Variants in RTTN observed in about 807,000 individuals in gnomAD.
The protein encoded by RTTN is rotatin.
A neutral mutation model predicts 269.2 loss-of-function variants in RTTN; 182 were observed. That is an observed-to-expected ratio of 0.68 (90% CI 0.60 to 0.76). RTTN has a LOEUF of 0.76. Ranked by LOEUF, RTTN falls within the 30% of genes least tolerant of loss-of-function variation. RTTN has a pLI of 0.00. For missense variants in RTTN, 2,545 were observed against 2,608.6 expected, an observed-to-expected ratio of 0.98 and a Z score of 0.53; for synonymous variants, 1,006 against 963.5, an observed-to-expected ratio of 1.04 and a Z score of -0.82.
At chr18:70,073,807 G>T in intron 34 of RTTN, 99 bp downstream of exon 34, 1 of 820,358 alleles carries the variant, frequency 1.2e-6, no homozygotes, top group Non-Finnish European at 2.0e-6. Flanking sequence ...AATCATAGCT[G>T]TTATAACCTT....
chr18:70,172,997 G>C (rs2061183442), intron 11 of RTTN, among the ~76,000 whole-genome samples: 1 of 152,092 alleles, frequency 6.6e-6, no homozygotes, highest in Non-Finnish European at 1.5e-5. Flanking sequence ...TTCCATTCTT[G>C]ATGCTTATGC....
intron 40 of RTTN, among the ~76,000 whole-genome samples, chr18:70,035,730 G>A (rs533838722): frequency 3.3e-5 from 5 of 152,260 alleles, no homozygotes; most frequent in East Asian, 3.9e-4. Context: ...AAACTAAAGC[G>A]TGTCTGCACA....
At position 70,109,727 on chromosome 18, in the gene RTTN, C is replaced by G. The variant is rs1326276476; in HGVS notation, c.3684-10G>C. 1.2e-6 allele frequency: 2 copies of G among 1,609,868 alleles called. No individual in the cohort carries two copies. The highest frequency in any genetic ancestry group is 1.7e-6 in the Non-Finnish European group (2 of 1,176,998). On this transcript the variant is annotated splice_polypyrimidine_tract_variant and intron_variant, in intron 27 of 48. Transcript: ENST00000640769. ...AAGTTCCGAGCATTTCCTATGTATG[C>G]AAAAGAGGGAAAATCAACCACCAAG...
chr18:70,192,845 G>A (rs1222814348), intron 8 of RTTN, among the ~76,000 whole-genome samples: 1 of 152,000 alleles, frequency 6.6e-6, no homozygotes, highest in Non-Finnish European at 1.5e-5. Context: ...TATCAACAAT[G>A]TATCTATCAT....
chr18:70,190,778 T>C, intron 8 of RTTN, 59 bp from the exon 9 acceptor site: 1 of 1,199,902 alleles, frequency 8.3e-7, no homozygotes, highest in Non-Finnish European at 1.2e-6. Context: ...ACAGATTTAC[T>C]GCATATCTGC....
intron 40 of RTTN, among the ~76,000 whole-genome samples, chr18:70,035,466 C>T (rs951638520): frequency 1.3e-5 from 2 of 152,192 alleles, no homozygotes; most frequent in African/African-American, 2.4e-5. Context: ...GGGGAAAGAA[C>T]TCCCTGTTCG....
chr18:70,129,193 T>C (rs922335911), intron 23 of RTTN: 1 of 152,070 alleles, frequency 6.6e-6, no homozygotes, highest in Non-Finnish European at 1.5e-5. Context: ...ATGTGTATTT[T>C]GTCTCAAGTT....
At position 70,139,634 on chromosome 18, in the gene RTTN, G is replaced by A. The variant is rs759249497; in HGVS notation, c.2753C>T (p.Ser918Leu). 9.9e-6 allele frequency: 16 copies of A among 1,612,226 alleles called. No individual in the cohort carries two copies. The highest frequency in any genetic ancestry group is 4.0e-5 in the African/African-American group (3 of 74,826). Residue 918 changes from serine (S) to leucine (L), a missense_variant, in exon 21 of 49, where the codon TCG (serine) becomes TTG (leucine). Coordinates refer to ENST00000640769, the MANE Select transcript of RTTN (RefSeq NM_173630.4). Reference sequence around the variant, plus strand: ...CACGGTCAAAAGAGAAGACTGTTGCGAGAGCGAAACACGCATGACTGGATC... The same window carrying A: ...CACGGTCAAAAGAGAAGACTGTTGCAAGAGCGAAACACGCATGACTGGATC... ...CGDPVMRVSLSQQSSLLTVLF... is the reference protein window; with the variant it reads ...CGDPVMRVSLLQQSSLLTVLF...
intron 43 of RTTN, among the ~76,000 whole-genome samples, chr18:70,028,301 G>A: frequency 6.6e-6 from 1 of 152,088 alleles, no homozygotes; most frequent in Non-Finnish European, 1.5e-5. Flanking sequence ...CTCGGTGGAT[G>A]TGGCCACACT....
intron 35 of RTTN, among the ~76,000 whole-genome samples, chr18:70,062,606 CTCTT>C (rs1358728873): frequency 3.3e-5 from 3 of 90,834 alleles, no homozygotes; most frequent in Non-Finnish European, 4.8e-5. Context: ...ATATCCTCCC[CTCTT>C]TTTTTTTTTT....
chr18:70,205,581 G>A (rs1340032192), intron 1 of RTTN, 47 bp downstream of exon 1: 2 of 1,611,804 alleles, frequency 1.2e-6, no homozygotes, highest in African/African-American at 1.3e-5. Flanking sequence ...TCAGCAAGTG[G>A]CCAGAGCGCG....
Position 70,188,182 on chromosome 18 carries a change from C to G in RTTN, c.1231G>C (p.Glu411Gln). The G allele has an allele frequency of 6.2e-7, 1 of 1,611,858 alleles. No homozygotes were observed. The highest frequency in any genetic ancestry group is 8.5e-7 in the Non-Finnish European group (1 of 1,178,336). Residue 411 changes from glutamate to glutamine, a missense_variant, in exon 10 of 49, where the codon GAG becomes CAG. Physicochemically the swap from Glu to Gln is conservative, Grantham distance 29. Transcript: ENST00000640769. ...VIIRVLELLT[E>Q]DMTLIGEAIS... The stretch of plus-strand genomic sequence containing the variant: ...GCTTCACCAATAAGTGTCATATCCT[C>G]TGTAAGCAATTCCAGAACTCTTATT...
In RTTN at chr18:70,047,905, C is replaced by T. The variant is rs770941209; in HGVS notation, c.5541+66G>A. 6.4e-6 allele frequency: 8 copies of T among 1,247,430 alleles called. No homozygotes were observed. In the Admixed American group the frequency reaches 1.4e-4, roughly 22 times the overall value. The allele number at this position is 1,247,430 out of a possible 1,614,324, so 77.3% of individuals were successfully genotyped here. ...ATGACTGAGACAGTTTTTAACAAGA[C>T]CATGACTGAAAGTCAATTTATTTAA... On this transcript the variant is annotated intron_variant, in intron 40 of 48. Coordinates refer to ENST00000640769, the MANE Select transcript of RTTN (RefSeq NM_173630.4).
chr18:70,149,154 G>A, intron 16 of RTTN, 117 bp from the exon 17 acceptor site: 1 of 821,108 alleles, frequency 1.2e-6, no homozygotes, highest in Admixed American at 2.9e-5. Flanking sequence ...GGATTCAGTT[G>A]AATAAAATCA....
chr18:70,026,845 A>T (rs545716566), intron 43 of RTTN, among the ~76,000 whole-genome samples: 19 of 151,738 alleles, frequency 1.3e-4, no homozygotes, highest in Non-Finnish European at 2.4e-4. Flanking sequence ...AGCTTGTATC[A>T]CTCCTTAGAG....
chr18:70,071,137 T>C (rs1158023954), intron 34 of RTTN, among the ~76,000 whole-genome samples: 2 of 152,158 alleles, frequency 1.3e-5, no homozygotes, highest in East Asian at 3.9e-4. Context: ...GCTAGGAACT[T>C]GAACAAGCAT....
intron 34 of RTTN, among the ~76,000 whole-genome samples, chr18:70,066,930 T>C (rs1306977196): frequency 6.6e-6 from 1 of 152,188 alleles, no homozygotes; most frequent in Non-Finnish European, 1.5e-5. Flanking sequence ...TAAATCCCCC[T>C]TTTAACTTGA....
At chr18:70,178,873 CTG>C in intron 10 of RTTN, among the ~76,000 whole-genome samples, 1 of 151,912 alleles carries the variant, frequency 6.6e-6, no homozygotes, top group Non-Finnish European at 1.5e-5. Flanking sequence ...AAAAATGAGT[CTG>C]TGATCTGAAT....
chr18:70,121,541 C>A lies in RTTN; in HGVS notation c.3528+15G>T. ...TTTCCCAAACTTAAAATCCAAATTC[C>A]TTAACACCACTTACATGTCTAAGAA... On this transcript the variant is annotated intron_variant, in intron 26 of 48. Transcript: ENST00000640769. 1 of 1,539,696 alleles carries A rather than the reference C, an allele frequency of 6.5e-7. No individual in the cohort carries two copies. Among genetic ancestry groups the A allele is most frequent in the Non-Finnish European group, 8.7e-7 (1 of 1,152,374 alleles).
Sources: allele counts gnomAD v4.1 joint callset (sites outside exome capture counted in the v4.1 genomes callset), GRCh38; gene constraint gnomAD v4.1.1; transcripts MANE v1.5; gene names NCBI Gene and HGNC (gene_info 2026-07-23, HGNC 2026-07-21).